PHKG1: variants seen among roughly 807,000 people sequenced by gnomAD.
PHKG1 encodes the protein phosphorylase b kinase gamma catalytic chain, skeletal muscle/heart isoform.
A neutral mutation model predicts 50.5 loss-of-function variants in PHKG1; 48 were observed. The observed-to-expected ratio is 0.95, with a 90% confidence interval of 0.75 to 1.21. The LOEUF (loss-of-function observed/expected upper bound fraction) is 1.21. Among genes scored for constraint, PHKG1 ranks in the 50% most tolerant of loss-of-function variants. The pLI is 0.00. For missense variants in PHKG1, 487 were observed against 519.5 expected (o/e 0.94, Z 0.61); for synonymous variants, 204 against 212.8 (o/e 0.96, Z 0.36).
At position 56,088,875 on chromosome 7, in the gene PHKG1, T is replaced by C; in HGVS notation, c.67A>G (p.Lys23Glu). 6.2e-7 allele frequency: 1 copy of C among 1,613,178 alleles called. No individual in the cohort carries two copies. The highest frequency in any genetic ancestry group is 8.5e-7 in the Non-Finnish European group (1 of 1,179,502). Residue 23 changes from lysine (K) to glutamate (E), a missense_variant, in exon 2 of 10, where the codon AAA becomes GAA. Physicochemically the swap from Lys to Glu is moderately conservative, Grantham distance 56. Coordinates refer to ENST00000297373, the MANE Select transcript of PHKG1 (RefSeq NM_006213.5). Reference sequence around the variant, plus strand: ...GGGCTTTACCTGCCCAGGATCTCTTTGGGCTCATAATTCTCATAGAAGTCC... The same window carrying C: ...GGGCTTTACCTGCCCAGGATCTCTTCGGGCTCATAATTCTCATAGAAGTCC... The part of the protein sequence containing the change: ...AQDFYENYEP[K>E]EILGRGVSSV...
chr7:56,083,809 T>C, intron 4 of PHKG1, 94 bp from the exon 5 acceptor site: 2 of 847,342 alleles, frequency 2.4e-6, no homozygotes, highest in African/African-American at 1.7e-5. Context: ...CTGATACCTC[T>C]AGAAGCTAAG....
intron 3 of PHKG1, 35 bp downstream of exon 3, chr7:56,087,563 G>A (rs780722035): frequency 6.3e-7 from 1 of 1,594,146 alleles, no homozygotes; most frequent in Non-Finnish European, 8.6e-7. Context: ...ATCACAGGGG[G>A]GCACCCTGCC....
Position 56,081,186 on chromosome 7 carries a change from G to T in PHKG1, c.1032C>A (p.Arg344=). ...GGAAAGCGTAGGCGTCGATGAGCCG[G>T]CGCAGAGGCCGGAGGGCATAGGGGT... ...IRDPYALRPL[R]RLIDAYAFRI... is the part of the protein sequence containing the mutation. The change falls in exon 10 of 10, where the codon CGC becomes CGA. Residue 344 remains arginine, a synonymous_variant. Coordinates refer to ENST00000297373, the MANE Select transcript of PHKG1 (RefSeq NM_006213.5). The surrounding 1 kb of genome is among the most constrained non-coding windows in gnomAD (Gnocchi z 4.6). 6.2e-7 allele frequency: 1 copy of T among 1,613,938 alleles called. No individual in the cohort carries two copies. Among genetic ancestry groups the T allele is most frequent in the Non-Finnish European group, 8.5e-7 (1 of 1,179,952 alleles).
intron 5 of PHKG1, 77 bp downstream of exon 5, chr7:56,083,573 G>T: frequency 6.7e-7 from 1 of 1,490,998 alleles, no homozygotes; most frequent in Non-Finnish European, 9.3e-7. Context: ...TGCACGCCCT[G>T]CCTCCCCTGA....
In PHKG1 at chr7:56,081,535, T is replaced by C. The variant is rs1289452536; in HGVS notation, c.918+95A>G. On this transcript the variant is annotated intron_variant, in intron 9 of 9. Coordinates refer to ENST00000297373, the MANE Select transcript of PHKG1 (RefSeq NM_006213.5). This position sits in a 1 kb window ranked among gnomAD's most constrained non-coding sequence, Gnocchi z 4.6. ...GCTGGGAGGGGAGGGATGGGTACTC[T>C]GGAAATTCACGGGGTGTAAGGACTC... 5 of 1,451,640 alleles carry C rather than the reference T, an allele frequency of 3.4e-6. No individual in the cohort carries two copies. Among genetic ancestry groups the C allele is most frequent in the Non-Finnish European group, 4.7e-6 (5 of 1,055,622 alleles). 89.9% of individuals were successfully genotyped at this position (1,451,640 alleles called of 1,614,324 possible).
intron 1 of PHKG1, among the ~76,000 whole-genome samples, chr7:56,091,980 C>A (rs1796506705): frequency 2.0e-5 from 3 of 152,248 alleles, no homozygotes; most frequent in Admixed American, 1.3e-4. Context: ...TGCCTCATCA[C>A]CTCCCAAAGC....
intron 2 of PHKG1, 112 bp from the exon 3 acceptor site, chr7:56,087,888 C>A: frequency 1.2e-6 from 1 of 807,960 alleles, no homozygotes; most frequent in Non-Finnish European, 2.0e-6. Flanking sequence ...ACACTTTCCC[C>A]CAACTTCCTC....
chr7:56,090,865 C>T (rs746810520), intron 1 of PHKG1, among the ~76,000 whole-genome samples: 1 of 152,194 alleles, frequency 6.6e-6, no homozygotes, highest in Non-Finnish European at 1.5e-5. Flanking sequence ...AGCTACCCCG[C>T]TTTGTGTCAG....
At position 56,082,039 on chromosome 7, in the gene PHKG1, T is replaced by C. The variant is rs538193071; in HGVS notation, c.646A>G (p.Thr216Ala). ...AGCAGCGTGTACATGATGACGCCAG[T>C]GCTCCACCTGGACATGCGAGGGCCC... is the stretch of plus-strand genomic sequence containing the variant. ...GYGKEVDMWSTGVIMYTLLAG... is the reference protein window; with the variant it reads ...GYGKEVDMWSAGVIMYTLLAG... The change falls in exon 8 of 10, where the codon ACT (threonine) becomes GCT (alanine). Residue 216 changes from threonine to alanine, a missense_variant. By Grantham distance (58) the Thr-to-Ala change is moderately conservative (BLOSUM62 0). Transcript: ENST00000297373. The C allele has an allele frequency of 2.2e-5, 35 of 1,612,786 alleles. No homozygotes were observed. Among genetic ancestry groups the C allele is most frequent in the Non-Finnish European group, 2.9e-5 (34 of 1,179,006 alleles).
intron 3 of PHKG1, among the ~76,000 whole-genome samples, 200 bp from the exon 4 acceptor site, chr7:56,087,224 A>ATTATT (rs1267441654): frequency 1.4e-5 from 2 of 147,708 alleles, no homozygotes; most frequent in African/African-American, 4.9e-5. Context: ...TATTATTATT[A>ATTATT]TTATTATTAT....
At chr7:56,085,990 A>T (rs1177627622) in intron 4 of PHKG1, among the ~76,000 whole-genome samples, 2 of 144,222 alleles carry the variant, frequency 1.4e-5, no homozygotes, top group Admixed American at 1.4e-4. Context: ...AAAAAAAAAA[A>T]GTAAATCAGA....
At chr7:56,083,218 C>T in intron 6 of PHKG1, 60 bp downstream of exon 6, 1 of 1,472,512 alleles carries the variant, frequency 6.8e-7, no homozygotes, top group Non-Finnish European at 9.5e-7. Context: ...CATCTCTATT[C>T]TGCAGATGGT....
chr7:56,084,575 T>C (rs1796171114), intron 4 of PHKG1, among the ~76,000 whole-genome samples: 1 of 152,068 alleles, frequency 6.6e-6, no homozygotes, highest in African/African-American at 2.4e-5. Flanking sequence ...CGTTTCATCA[T>C]GTTGCCCAGG....
At chr7:56,084,396 T>TG (rs1471510548) in intron 4 of PHKG1, among the ~76,000 whole-genome samples, 1 of 140,436 alleles carries the variant, frequency 7.1e-6, no homozygotes, top group Non-Finnish European at 1.5e-5. Context: ...TTTTTTGAGA[T>TG]GGAGTTTTTG....
In PHKG1 at chr7:56,089,432, A is replaced by G. The variant is rs139466448; in HGVS notation, c.-34-457T>C. On this transcript the variant is annotated intron_variant, in intron 1 of 9. Coordinates refer to ENST00000297373, the MANE Select transcript of PHKG1 (RefSeq NM_006213.5). ...AAAAAATCTTTGTAGAGATGGGGTC[A>G]TGCTCTGTTACCCATCTCTGTACCA... Among the ~76,000 whole-genome samples, 448 of 91,742 alleles carry G rather than the reference A, an allele frequency of 4.9e-3. 3 individuals are homozygous for G. The highest frequency in any genetic ancestry group is 0.016 in the African/African-American group (413 of 25,800). The allele number at this position is 91,742 out of a possible 152,430, so 60.2% of individuals were successfully genotyped here. A position where few individuals can be genotyped will look rare whatever the true frequency, so the allele number is the denominator to read the frequency against.
At position 56,088,867 on chromosome 7, in the gene PHKG1, G is replaced by A; in HGVS notation, c.75C>T (p.Ile25=). Residue 25 remains isoleucine (I), a synonymous_variant, in exon 2 of 10, where the codon ATC becomes ATT. Coordinates refer to ENST00000297373, the MANE Select transcript of PHKG1 (RefSeq NM_006213.5). The stretch of plus-strand genomic sequence containing the variant: ...GAAAGCTTGGGCTTTACCTGCCCAG[G>A]ATCTCTTTGGGCTCATAATTCTCAT... ...DFYENYEPKE[I]LGRGVSSVVR... 6.2e-7 allele frequency: 1 copy of A among 1,611,690 alleles called. No individual in the cohort carries two copies. Among genetic ancestry groups the A allele is most frequent in the Non-Finnish European group, 8.5e-7 (1 of 1,178,316 alleles).
chr7:56,083,185 T>G, intron 6 of PHKG1, 93 bp downstream of exon 6: 1 of 1,109,326 alleles, frequency 9.0e-7, no homozygotes, highest in South Asian at 1.5e-5. Context: ...AGGGAACAAT[T>G]AAGTTAGGGG....
chr7:56,081,383 T>G lies in PHKG1; in HGVS notation c.919-84A>C. 1.3e-6 allele frequency: 2 copies of G among 1,489,306 alleles called. No individual in the cohort carries two copies. Among genetic ancestry groups the G allele is most frequent in the Non-Finnish European group, 1.8e-6 (2 of 1,118,620 alleles). The allele number at this position is 1,489,306 out of a possible 1,614,324, so 92.3% of individuals were successfully genotyped here. On this transcript the variant is annotated intron_variant, in intron 9 of 9. Coordinates refer to ENST00000297373, the MANE Select transcript of PHKG1 (RefSeq NM_006213.5). The surrounding 1 kb of genome is among the most constrained non-coding windows in gnomAD (Gnocchi z 4.6). ...CCAGCACAGGGACGCTCTGGGCTCG[T>G]TTGCCACGAAGCCTTGGGTGGCTTC...
intron 3 of PHKG1, among the ~76,000 whole-genome samples, 170 bp from the exon 4 acceptor site, chr7:56,087,194 T>TTTATTATTATTATTA (rs56665611): frequency 1.3e-4 from 18 of 136,086 alleles, no homozygotes; most frequent in Admixed American, 4.5e-4. Context: ...GCCCAGGGAC[T>TTTATTATTATTATTA]TTATTATTAT....
Sources: gnomAD v4.1 joint callset for allele counts (sites outside exome capture counted in the v4.1 genomes callset) on GRCh38, gnomAD v4.1.1 for gene constraint, Gnocchi (gnomAD v3.1) non-coding constraint, MANE v1.5 for transcripts, NCBI Gene and HGNC (gene_info 2026-07-23, HGNC 2026-07-21) for gene names.